Variants in CD300LF observed in about 807,000 individuals in gnomAD.
The protein encoded by CD300LF is CD300 molecule like family member f, also known as CMRF35-like molecule 1.
CD300LF carries 27 observed loss-of-function variants against 32.2 expected under a neutral mutation model. That is an observed-to-expected ratio of 0.84 (90% confidence interval 0.62 to 1.15). The LOEUF (loss-of-function observed/expected upper bound fraction) is 1.15. Among genes scored for constraint, CD300LF ranks in the 50% most tolerant of loss-of-function variants. CD300LF has a pLI of 0.00. For synonymous variants in CD300LF, 139 were observed against 143.2 expected (o/e 0.97, Z 0.21); for missense variants, 348 against 356.8 (o/e 0.98, Z 0.20).
intron 5 of CD300LF, 85 bp from the exon 6 acceptor site, chr17:74,695,944 C>T: frequency 1.4e-6 from 2 of 1,477,212 alleles, no homozygotes; most frequent in Non-Finnish European, 1.8e-6. Context: ...GGACGAGAGC[C>T]TCTCCACTTC....
chr17:74,694,981 C>T lies in CD300LF; in HGVS notation c.*115G>A. ...AGAGCTAGGGGCAATGCTGGCTGAT[C>T]AGGCAGAGGCACCAGTCCCCGGGTT... On this transcript the variant is annotated 3_prime_UTR_variant, in exon 7 of 7. Coordinates refer to ENST00000326165, the MANE Select transcript of CD300LF (RefSeq NM_139018.5). The T allele has an allele frequency of 8.5e-7, 1 of 1,176,652 alleles. No individual in the cohort carries two copies. The highest frequency in any genetic ancestry group is 1.2e-6 in the Non-Finnish European group (1 of 835,950). The allele number at this position is 1,176,652 out of a possible 1,614,324, so 72.9% of individuals were successfully genotyped here. A position where few individuals can be genotyped will look rare whatever the true frequency, so the allele number is the denominator to read the frequency against.
At chr17:74,707,389 C>A (rs1412314654) in intron 1 of CD300LF, among the ~76,000 whole-genome samples, 3 of 152,210 alleles carry the variant, frequency 2.0e-5, no homozygotes, top group Non-Finnish European at 4.4e-5. Context: ...TTTAAATGCT[C>A]AACATCTCTG....
chr17:74,696,658 C>G (rs1252333240), intron 4 of CD300LF, among the ~76,000 whole-genome samples: 3 of 152,246 alleles, frequency 2.0e-5, no homozygotes, highest in African/African-American at 7.2e-5. Flanking sequence ...TCCCGGGCCC[C>G]CGGGGGGCAC....
chr17:74,707,122 A>G (rs1425186740), intron 1 of CD300LF, among the ~76,000 whole-genome samples: 1 of 152,226 alleles, frequency 6.6e-6, no homozygotes, highest in African/African-American at 2.4e-5. Flanking sequence ...AACAAAAGCA[A>G]AACTAGACAA....
chr17:74,702,646 C>T (rs186369637), intron 3 of CD300LF, among the ~76,000 whole-genome samples: 84 of 152,286 alleles, frequency 5.5e-4, no homozygotes, highest in African/African-American at 2.0e-3. Flanking sequence ...GCTCCATGAC[C>T]CCACGCCCAC....
intron 1 of CD300LF, among the ~76,000 whole-genome samples, chr17:74,709,228 A>AC (rs1447136001): frequency 7.2e-5 from 11 of 152,166 alleles, no homozygotes; most frequent in Admixed American, 2.6e-4. Context: ...CTCAAAAAAA[A>AC]AAAGGAAAAA....
chr17:74,698,056 G>T (rs1390191143), intron 4 of CD300LF, among the ~76,000 whole-genome samples: 2 of 152,104 alleles, frequency 1.3e-5, no homozygotes, highest in Non-Finnish European at 2.9e-5. Context: ...CCCCAGACTG[G>T]ACCACCCACC....
At chr17:74,708,940 G>T (rs1445899858) in intron 1 of CD300LF, among the ~76,000 whole-genome samples, 2 of 147,788 alleles carry the variant, frequency 1.4e-5, no homozygotes, top group East Asian at 4.0e-4. Flanking sequence ...AAATCAATAA[G>T]GAGGCCAGGC....
chr17:74,704,231 T>G, intron 2 of CD300LF: 1 of 457,648 alleles, frequency 2.2e-6, no homozygotes, highest in South Asian at 3.4e-5. Context: ...CCTCAGGCAC[T>G]GAGCTGTGCA....
chr17:74,695,029 G>A lies in CD300LF; in HGVS notation c.*67C>T, dbSNP rs982481740. 1.3e-5 allele frequency: 20 copies of A among 1,526,504 alleles called. No individual in the cohort carries two copies. The highest frequency in any genetic ancestry group is 1.2e-4 in the African/African-American group (9 of 72,382). 94.6% of individuals were successfully genotyped at this position (1,526,504 alleles called of 1,614,324 possible). A position where few individuals can be genotyped will look rare whatever the true frequency, so the allele number is the denominator to read the frequency against. On this transcript the variant is annotated 3_prime_UTR_variant, in exon 7 of 7. Transcript: ENST00000326165. Reference sequence around the variant, plus strand: ...GTTGGTCCTGATGAGGGGAGCAGGGGGCAGACGGTCGATGAGGCAGGAGTG... The same window carrying A: ...GTTGGTCCTGATGAGGGGAGCAGGGAGCAGACGGTCGATGAGGCAGGAGTG...
chr17:74,704,585 G>A lies in CD300LF; in HGVS notation c.275C>T (p.Thr92Ile). Residue 92 changes from threonine to isoleucine, a missense_variant, in exon 2 of 7, where the codon ACT becomes ATT. Physicochemically the swap from Thr to Ile is moderately conservative, Grantham distance 89. Transcript: ENST00000326165. ...TTTCATGAGATCCTCCATGGTCACA[G>A]TGAACGTGCGGTTTTTCTGATTGTC... is the stretch of plus-strand genomic sequence containing the variant. ...IKDNQKNRTF[T>I]VTMEDLMKTD... 1 of 1,614,180 alleles carries A rather than the reference G, an allele frequency of 6.2e-7. No homozygotes were observed. The highest frequency in any genetic ancestry group is 8.5e-7 in the Non-Finnish European group (1 of 1,180,032).
rs185208238 is a variant in CD300LF, at chr17:74,702,221, G to A, written c.446+814C>T. Among the ~76,000 whole-genome samples, 504 of 152,138 alleles carry A rather than the reference G, an allele frequency of 3.3e-3. 1 individual carries two copies. The highest frequency in any genetic ancestry group is 0.011 in the African/African-American group (475 of 41,502). ...TCAAGAGGGCCAAGGAGAGTGAAAG[G>A]AAGAAATTAAAGGGGACGTTCCTCT... On this transcript the variant is annotated intron_variant, in intron 3 of 6. Coordinates refer to ENST00000326165, the MANE Select transcript of CD300LF (RefSeq NM_139018.5).
intron 3 of CD300LF, among the ~76,000 whole-genome samples, chr17:74,701,504 AG>A (rs1211467968): frequency 1.3e-5 from 2 of 152,236 alleles, no homozygotes; most frequent in African/African-American, 4.8e-5. Context: ...TATTCAAAGC[AG>A]TTTGGTAGAA....
rs1353199106 is a variant in CD300LF, at chr17:74,694,847, GC to G, written c.*248del. 1.0e-5 allele frequency: 4 copies of G among 381,582 alleles called. No individual in the cohort carries two copies. The highest frequency in any genetic ancestry group is 1.9e-5 in the Non-Finnish European group (4 of 214,768). The allele number at this position is 381,582 out of a possible 1,614,324, so 23.6% of individuals were successfully genotyped here. A position where few individuals can be genotyped will look rare whatever the true frequency, so the allele number is the denominator to read the frequency against. ...TATCATCTTCATCATTCCCATGAAA[GC>G]CCCAGAGCATATCCCTAGCCCCCTC... On this transcript the variant is annotated 3_prime_UTR_variant, in exon 7 of 7. Transcript: ENST00000326165.
chr17:74,703,503 T>A (rs1042560620), intron 2 of CD300LF, among the ~76,000 whole-genome samples: 1 of 151,994 alleles, frequency 6.6e-6, no homozygotes, highest in African/African-American at 2.4e-5. Context: ...AGGAGCAGAG[T>A]GGGAACTTGC....
intron 1 of CD300LF, among the ~76,000 whole-genome samples, chr17:74,711,983 C>T (rs544126712): frequency 6.7e-6 from 1 of 148,660 alleles, no homozygotes; most frequent in African/African-American, 2.5e-5. Context: ...CAGGTCACTG[C>T]AGCCTCCAAC....
At chr17:74,712,672 C>T (rs1321576884) in intron 1 of CD300LF, 152 bp downstream of exon 1, 17 of 759,960 alleles carry the variant, frequency 2.2e-5, no homozygotes, top group East Asian at 1.1e-4. Flanking sequence ...GCCTTGGCAA[C>T]GGAAATGCTA....
At chr17:74,699,391 A>G (rs1427203838) in intron 3 of CD300LF, among the ~76,000 whole-genome samples, 1 of 152,136 alleles carries the variant, frequency 6.6e-6, no homozygotes, top group Non-Finnish European at 1.5e-5. Context: ...ACATCCACTC[A>G]GACCCGTGAA....
At chr17:74,702,958 G>T in intron 3 of CD300LF, 77 bp downstream of exon 3, 1 of 1,240,762 alleles carries the variant, frequency 8.1e-7, no homozygotes, top group Non-Finnish European at 1.2e-6. Flanking sequence ...GCTCAGGCTG[G>T]AAAATGGGAC....
Sources: allele counts gnomAD v4.1 joint callset (sites outside exome capture counted in the v4.1 genomes callset), GRCh38; gene constraint gnomAD v4.1.1; transcripts MANE v1.5; gene names NCBI Gene and HGNC (gene_info 2026-07-23, HGNC 2026-07-21).